The following ST3GAL6 variants were observed in gnomAD, a reference collection of about 807,000 sequenced individuals.
ST3GAL6 encodes type 2 lactosamine alpha-2,3-sialyltransferase.
A neutral mutation model predicts 40.5 loss-of-function variants in ST3GAL6; 31 were observed. The ratio of observed to expected loss-of-function variants is 0.77; its 90% CI spans 0.58 to 1.03. The LOEUF is 1.03. Among genes scored for constraint, ST3GAL6 ranks in the 50% least tolerant of loss-of-function variants. The probability of loss-of-function intolerance (pLI) is 0.00; values close to 1 mark genes in which losing one functional copy is unlikely to be tolerated. For synonymous variants in ST3GAL6, 129 were observed against 136.9 expected (o/e 0.94, Z 0.40); for missense variants, 357 against 393.2 (o/e 0.91, Z 0.78).
At chr3:98,735,136 A>T (rs1474034027) in intron 1 of ST3GAL6, among the ~76,000 whole-genome samples, 3 of 152,324 alleles carry the variant, frequency 2.0e-5, no homozygotes, top group African/African-American at 7.2e-5. Context: ...AATCTTCCTG[A>T]CAAAACTCCT....
rs759439188 is a variant in ST3GAL6 at position 98,770,957 on chromosome 3, G to T, written c.167+1G>T. On this transcript the variant is annotated splice_donor_variant, in intron 3 of 9. Coordinates refer to ENST00000483910, the MANE Select transcript of ST3GAL6 (RefSeq NM_001323368.2). LOFTEE classifies it high-confidence loss of function. Reference sequence around the variant, plus strand: ...AGCCAGCTTTTGCCTCTCTGCTGAGGTAAAAATATACCAGAAAAACCTGTG... The same window carrying T: ...AGCCAGCTTTTGCCTCTCTGCTGAGTTAAAAATATACCAGAAAAACCTGTG... 20 of 1,613,652 alleles carry T rather than the reference G, an allele frequency of 1.2e-5. No homozygotes were observed. The Admixed American group carries it at 2.2e-4, about 17-fold the overall frequency.
chr3:98,743,749 A>G (rs1454965073), intron 1 of ST3GAL6, among the ~76,000 whole-genome samples: 1 of 152,118 alleles, frequency 6.6e-6, no homozygotes, highest in Non-Finnish European at 1.5e-5. Flanking sequence ...CACTACTCTG[A>G]CTTTTGCCAC....
intron 1 of ST3GAL6, among the ~76,000 whole-genome samples, chr3:98,751,495 T>C (rs1057069036): frequency 6.6e-6 from 1 of 152,236 alleles, no homozygotes. Context: ...AAGTGAAATG[T>C]ATATAGAGAT....
At chr3:98,765,478 A>C (rs969022946) in intron 1 of ST3GAL6, among the ~76,000 whole-genome samples, 2 of 152,208 alleles carry the variant, frequency 1.3e-5, no homozygotes, top group Admixed American at 6.5e-5. Flanking sequence ...TGGACATATA[A>C]AAGATTTTTT....
intron 9 of ST3GAL6, among the ~76,000 whole-genome samples, chr3:98,792,512 A>AT (rs35917234): frequency 0.23 from 31,730 of 138,692 alleles, 4,043 homozygotes; most frequent in African/African-American, 0.33. Context: ...TTTAGTTTAA[A>AT]TTTTTTTTTT....
chr3:98,739,656 A>AG (rs1935892658), intron 1 of ST3GAL6, among the ~76,000 whole-genome samples: 1 of 152,236 alleles, frequency 6.6e-6, no homozygotes, highest in South Asian at 2.1e-4. Flanking sequence ...TAATGTATTA[A>AG]GGGGTGGAGG....
At chr3:98,732,681 C>T in intron 1 of ST3GAL6, 2 of 579,662 alleles carry the variant, frequency 3.5e-6, no homozygotes, top group Non-Finnish European at 5.6e-6. Flanking sequence ...GAGCTTCCCG[C>T]GACTCCGGAG....
chr3:98,778,216 G>A (rs1939734775), intron 5 of ST3GAL6, among the ~76,000 whole-genome samples: 1 of 152,198 alleles, frequency 6.6e-6, no homozygotes, highest in Admixed American at 6.5e-5. Flanking sequence ...TCAGTTGCCT[G>A]CTAAATGGAC....
chr3:98,778,663 A>G (rs952325765), intron 5 of ST3GAL6, among the ~76,000 whole-genome samples: 14 of 152,210 alleles, frequency 9.2e-5, no homozygotes, highest in Non-Finnish European at 1.9e-4. Flanking sequence ...AGTAACATAC[A>G]AGACCTAAGT....
chr3:98,769,451 G>T (rs933853363), intron 2 of ST3GAL6, among the ~76,000 whole-genome samples: 1 of 152,148 alleles, frequency 6.6e-6, no homozygotes, highest in Non-Finnish European at 1.5e-5. Flanking sequence ...ACATCAAGGG[G>T]ATCTATCCCT....
At chr3:98,766,640 A>G (rs898935028) in intron 1 of ST3GAL6, among the ~76,000 whole-genome samples, 26 of 151,990 alleles carry the variant, frequency 1.7e-4, no homozygotes, top group African/African-American at 6.3e-4. Flanking sequence ...CCAGGTTGGT[A>G]TTGAACTCCT....
intron 1 of ST3GAL6, 62 bp from the exon 2 acceptor site, chr3:98,768,368 T>C: frequency 1.7e-6 from 2 of 1,177,776 alleles, no homozygotes; most frequent in Middle Eastern, 1.9e-4. Flanking sequence ...TTTGAGCCAT[T>C]GTGAAAATCC....
intron 1 of ST3GAL6, among the ~76,000 whole-genome samples, chr3:98,764,340 G>A (rs1022401740): frequency 1.8e-4 from 28 of 152,158 alleles, no homozygotes; most frequent in Admixed American, 3.3e-4. Context: ...TTTTTTTCAA[G>A]TGTTTCTCCG....
intron 1 of ST3GAL6, among the ~76,000 whole-genome samples, chr3:98,741,236 T>C (rs1030859389): frequency 2.6e-5 from 4 of 152,100 alleles, no homozygotes; most frequent in African/African-American, 9.7e-5. Flanking sequence ...TTTTTTTTTA[T>C]GGTTCAAAAC....
chr3:98,738,086 C>T (rs961438220), intron 1 of ST3GAL6, among the ~76,000 whole-genome samples: 3 of 131,994 alleles, frequency 2.3e-5, no homozygotes, highest in African/African-American at 5.5e-5. Context: ...AGCCTCCCCC[C>T]GCCCTCCCCC....
chr3:98,736,303 G>C (rs1935540462), intron 1 of ST3GAL6, among the ~76,000 whole-genome samples: 1 of 152,186 alleles, frequency 6.6e-6, no homozygotes, highest in Non-Finnish European at 1.5e-5. Flanking sequence ...CTAAGACAAA[G>C]TATACAGATA....
At chr3:98,781,311 C>T (rs2107280934) in intron 5 of ST3GAL6, among the ~76,000 whole-genome samples, 1 of 152,152 alleles carries the variant, frequency 6.6e-6, no homozygotes. Context: ...GGGAACATCA[C>T]ACACTGGGGC....
chr3:98,764,003 T>C (rs902005252), intron 1 of ST3GAL6, among the ~76,000 whole-genome samples: 3 of 152,032 alleles, frequency 2.0e-5, no homozygotes, highest in Non-Finnish European at 4.4e-5. Context: ...AGATGGGCAT[T>C]AGGAAGCACC....
intron 1 of ST3GAL6, among the ~76,000 whole-genome samples, chr3:98,742,361 G>T (rs1186704512): frequency 6.6e-6 from 1 of 152,110 alleles, no homozygotes; most frequent in African/African-American, 2.4e-5. Flanking sequence ...TGGAAATTAA[G>T]CATTAGGACC....
Sources: allele counts gnomAD v4.1 joint callset (sites outside exome capture counted in the v4.1 genomes callset), GRCh38; gene constraint gnomAD v4.1.1; transcripts MANE v1.5; gene names NCBI Gene and HGNC (gene_info 2026-07-23, HGNC 2026-07-21).